The following DCX variants were observed in gnomAD, a reference collection of about 807,000 sequenced individuals.
The protein encoded by DCX is doublecortin.
A neutral mutation model predicts 20.9 loss-of-function variants in DCX; 4 were observed. The observed-to-expected ratio is 0.19, with a 90% CI of 0.09 to 0.44. The LOEUF (loss-of-function observed/expected upper bound fraction) is 0.44. DCX is among the 20% of genes least tolerant of loss of function. The pLI, the probability that DCX is intolerant of heterozygous loss-of-function variation, is 0.99. For missense variants in DCX, 133 were observed against 296.9 expected (o/e 0.45, Z 4.06); for synonymous variants, 103 against 111.4 (o/e 0.92, Z 0.47).
At chrX:111,385,040 T>TG (rs1926275619) in intron 3 of DCX, among the ~76,000 whole-genome samples, 1 of 112,701 alleles carries the variant, frequency 8.9e-6, no homozygotes, top group African/African-American at 3.2e-5. Flanking sequence ...ATTCCTGTGT[T>TG]GCGGGGCTTG....
intron 5 of DCX, among the ~76,000 whole-genome samples, chrX:111,318,276 T>C (rs754795535): frequency 9.5e-6 from 1 of 105,295 alleles, no homozygotes; most frequent in East Asian, 2.9e-4. Context: ...GGAGTGTAAA[T>C]TACTTCAACC....
chrX:111,346,876 T>G (rs963095150), intron 3 of DCX, among the ~76,000 whole-genome samples: 1 of 111,865 alleles, frequency 8.9e-6, no homozygotes, highest in Non-Finnish European at 1.9e-5. Flanking sequence ...TTATTAAAAT[T>G]TATTCAGAAT....
intron 2 of DCX, 102 bp downstream of exon 2, chrX:111,409,933 G>A (rs1415112270): frequency 1.2e-5 from 13 of 1,118,961 alleles, no homozygotes; most frequent in Non-Finnish European, 1.6e-5. Context: ...CCGGTGTTTT[G>A]AAAAATACAT....
chrX:111,297,727 T>C lies in DCX; in HGVS notation c.*3960A>G, dbSNP rs60355312. The C allele has an allele frequency of 0.17, 19,387 of 111,206 alleles. 4,011 individuals carry two copies. Among genetic ancestry groups the C allele is most frequent in the African/African-American group, 0.59 (17,832 of 30,221 alleles). The allele number at this position is 111,206 out of a possible 1,213,427, so 9.2% of individuals were successfully genotyped here. A position where few individuals can be genotyped will look rare whatever the true frequency, so the allele number is the denominator to read the frequency against. ...AAGAGCCTTGCAGCAAGGAAAACCA[T>C]GTGTTTGGACCCTTTTGCCCTGGTT... On this transcript the variant is annotated 3_prime_UTR_variant, in exon 7 of 7. Transcript: ENST00000636035.
intron 3 of DCX, among the ~76,000 whole-genome samples, chrX:111,346,323 G>A (rs778242816): frequency 9.0e-4 from 101 of 112,144 alleles, no homozygotes; most frequent in South Asian, 5.5e-3. Context: ...GACAACAGAT[G>A]AAAAGGATAA....
Position 111,410,096 on chromosome X carries a change from C to T in DCX, c.303G>A (p.Val101=), listed in dbSNP as rs1233712809. Residue 101 remains valine (V), a synonymous_variant, in exon 2 of 7, where the codon GTG becomes GTA. Transcript: ENST00000636035. ...LSDNINLPQG[V]RYIYTIDGSR... ...ATCCATCAATGGTGTAAATGTAACGCACTCCCTGAGGCAGGTTGATGTTGT... is the reference window on the plus strand; with the variant it reads ...ATCCATCAATGGTGTAAATGTAACGTACTCCCTGAGGCAGGTTGATGTTGT... 1 of 1,210,059 alleles carries T rather than the reference C, an allele frequency of 8.3e-7. No individual in the cohort carries two copies. The highest frequency in any genetic ancestry group is 1.1e-6 in the Non-Finnish European group (1 of 895,323).
At chrX:111,366,416 G>T (rs772004216) in intron 3 of DCX, among the ~76,000 whole-genome samples, 9 of 112,139 alleles carry the variant, frequency 8.0e-5, no homozygotes, top group Non-Finnish European at 1.7e-4. Context: ...AGAGCTGAGG[G>T]TTCAAGTCAT....
At chrX:111,354,608 C>T (rs1603418481) in intron 3 of DCX, among the ~76,000 whole-genome samples, 2 of 112,018 alleles carry the variant, frequency 1.8e-5, no homozygotes, top group Admixed American at 1.9e-4. Flanking sequence ...ACCTCCCACA[C>T]AGAAAGGCAG....
chrX:111,384,603 A>G (rs1472011233), intron 3 of DCX, among the ~76,000 whole-genome samples: 1 of 111,829 alleles, frequency 8.9e-6, no homozygotes, highest in African/African-American at 3.2e-5. Flanking sequence ...TAACGGATGC[A>G]TTGCGGTTTA....
chrX:111,344,789 T>C (rs1190167746), intron 3 of DCX, among the ~76,000 whole-genome samples: 2 of 111,741 alleles, frequency 1.8e-5, no homozygotes, highest in Non-Finnish European at 3.8e-5. Context: ...ATAGGAAAAA[T>C]CAATATCGTG....
intron 3 of DCX, among the ~76,000 whole-genome samples, chrX:111,360,192 C>A (rs149231164): frequency 0.019 from 2,091 of 111,685 alleles, 67 homozygotes; most frequent in African/African-American, 0.064. Flanking sequence ...TTAGAAGCAA[C>A]CTAACCATCC....
chrX:111,337,717 C>T (rs778355806), intron 3 of DCX, among the ~76,000 whole-genome samples: 2 of 112,327 alleles, frequency 1.8e-5, no homozygotes, highest in African/African-American at 6.5e-5. Flanking sequence ...TAAGGTCTTG[C>T]TCACATTATC....
intron 2 of DCX, among the ~76,000 whole-genome samples, chrX:111,409,326 A>G (rs920105046): frequency 2.7e-5 from 3 of 111,494 alleles, no homozygotes; most frequent in African/African-American, 9.8e-5. Flanking sequence ...ATTTTTGGCA[A>G]TCTACTCAGA....
At chrX:111,320,758 A>G (rs1389792579) in intron 5 of DCX, among the ~76,000 whole-genome samples, 1 of 110,127 alleles carries the variant, frequency 9.1e-6, no homozygotes, top group African/African-American at 3.3e-5. Flanking sequence ...CAACAAAAAT[A>G]GGATAAAAAT....
intron 6 of DCX, among the ~76,000 whole-genome samples, chrX:111,308,133 A>G (rs1374156672): frequency 8.9e-6 from 1 of 112,574 alleles, no homozygotes; most frequent in East Asian, 2.8e-4. Context: ...ATTGATATGT[A>G]GAAATACAGA....
intron 3 of DCX, among the ~76,000 whole-genome samples, chrX:111,365,327 T>C (rs898390722): frequency 9.1e-6 from 1 of 109,824 alleles, no homozygotes; most frequent in African/African-American, 3.3e-5. Flanking sequence ...GTGTGTGCTT[T>C]TTAATTTTTT....
intron 3 of DCX, among the ~76,000 whole-genome samples, chrX:111,357,289 AT>A (rs1923810215): frequency 9.0e-6 from 1 of 111,471 alleles, no homozygotes; most frequent in South Asian, 3.8e-4. Context: ...TTGGTAAGTC[AT>A]TTTTTCTCTC....
At chrX:111,369,566 TGGTCCCAAAAGGGGTGTTTTCA>T (rs1342584073) in intron 3 of DCX, among the ~76,000 whole-genome samples, 1 of 111,745 alleles carries the variant, frequency 8.9e-6, no homozygotes, top group Admixed American at 9.5e-5. Flanking sequence ...TCCAAGGGGA[TGGTCCCAAAAGGGGTGTTTTCA>T]GGTACCATGA....
intron 5 of DCX, among the ~76,000 whole-genome samples, chrX:111,316,095 A>ATAAATAAATAAAT (rs1259677362): frequency 2.0e-5 from 2 of 100,232 alleles, no homozygotes; most frequent in African/African-American, 8.3e-5. Flanking sequence ...ATAAAAAAAA[A>ATAAATAAATAAAT]AAAAAAAAAA....
Sources: allele counts gnomAD v4.1 joint callset (sites outside exome capture counted in the v4.1 genomes callset), GRCh38; gene constraint gnomAD v4.1.1; transcripts MANE v1.5; gene names NCBI Gene and HGNC (gene_info 2026-07-23, HGNC 2026-07-21).